Variants in PRKCI observed in about 807,000 individuals in gnomAD.
PRKCI encodes the protein protein kinase C iota.
In PRKCI, 43 loss-of-function variants were observed where a neutral mutation model predicts 84.0. That is an observed-to-expected ratio of 0.51 (90% CI 0.40 to 0.66). The LOEUF is 0.66. Ranked by LOEUF, PRKCI falls within the 30% of genes least tolerant of loss-of-function variation. The probability of loss-of-function intolerance (pLI) is 0.00; values close to 1 mark genes in which losing one functional copy is unlikely to be tolerated. For synonymous variants in PRKCI, 216 were observed against 234.4 expected, an observed-to-expected ratio of 0.92 and a Z score of 0.72; for missense variants, 459 against 745.6, an observed-to-expected ratio of 0.62 and a Z score of 4.48.
chr3:170,293,962 A>G (rs1344121287), intron 14 of PRKCI, among the ~76,000 whole-genome samples: 1 of 152,200 alleles, frequency 6.6e-6, no homozygotes, highest in African/African-American at 2.4e-5. Flanking sequence ...GATTACAGGC[A>G]TGAGCCACTG....
At chr3:170,226,851 T>C (rs1384273746) in intron 1 of PRKCI, among the ~76,000 whole-genome samples, 1 of 152,172 alleles carries the variant, frequency 6.6e-6, no homozygotes, top group African/African-American at 2.4e-5. Flanking sequence ...CTAGGGCAGC[T>C]GATCCATAGC....
At chr3:170,281,466 C>G (rs1436652647) in intron 10 of PRKCI, 1 of 497,844 alleles carries the variant, frequency 2.0e-6, no homozygotes, top group Non-Finnish European at 3.5e-6. Context: ...CTACTTTAGG[C>G]AGAACAGGAA....
intron 2 of PRKCI, among the ~76,000 whole-genome samples, chr3:170,246,077 C>T (rs532817145): frequency 6.6e-5 from 10 of 151,534 alleles, no homozygotes; most frequent in Non-Finnish European, 8.8e-5. Context: ...CTCAGCCTCC[C>T]GAGTAGCTGG....
chr3:170,298,576 C>T (rs980559293), intron 16 of PRKCI, among the ~76,000 whole-genome samples: 13 of 151,124 alleles, frequency 8.6e-5, no homozygotes, highest in Non-Finnish European at 1.6e-4. Context: ...TGGCTAATTT[C>T]GGTATTTTTA....
intron 12 of PRKCI, among the ~76,000 whole-genome samples, chr3:170,288,716 C>T (rs1734463147): frequency 6.6e-6 from 1 of 152,128 alleles, no homozygotes; most frequent in Non-Finnish European, 1.5e-5. Context: ...CACACCACTG[C>T]ACTGCACTCC....
chr3:170,263,540 G>GCA, intron 4 of PRKCI, 111 bp downstream of exon 4: 1 of 881,724 alleles, frequency 1.1e-6, no homozygotes, highest in Non-Finnish European at 1.8e-6. Flanking sequence ...AGTGGCTAAT[G>GCA]CCTGTAATCC....
At chr3:170,302,995 G>T in intron 17 of PRKCI, 45 bp from the exon 18 acceptor site, 1 of 1,377,426 alleles carries the variant, frequency 7.3e-7, no homozygotes, top group Non-Finnish European at 1.0e-6. Context: ...AAAGGTTGAA[G>T]AAATCTTGAT....
intron 2 of PRKCI, among the ~76,000 whole-genome samples, chr3:170,258,017 A>G (rs1194578577): frequency 6.6e-6 from 1 of 152,026 alleles, no homozygotes; most frequent in Non-Finnish European, 1.5e-5. Context: ...GAGAAGAGCT[A>G]GGAAATAGAA....
intron 2 of PRKCI, among the ~76,000 whole-genome samples, chr3:170,239,449 CATTT>C (rs1733063337): frequency 6.6e-6 from 1 of 152,102 alleles, no homozygotes; most frequent in African/African-American, 2.4e-5. Context: ...CATTTCATAC[CATTT>C]ATTTGCTGAT....
chr3:170,296,020 A>G, intron 15 of PRKCI, 30 bp downstream of exon 15: 2 of 1,336,594 alleles, frequency 1.5e-6, no homozygotes, highest in Non-Finnish European at 2.1e-6. Flanking sequence ...ATATTTTGTG[A>G]TTTGTCTCTT....
intron 8 of PRKCI, among the ~76,000 whole-genome samples, chr3:170,277,119 C>T (rs557555190): frequency 6.6e-6 from 1 of 150,566 alleles, no homozygotes; most frequent in Non-Finnish European, 1.5e-5. Context: ...CGTGGTGGCA[C>T]ACACCTATAA....
At position 170,260,006 on chromosome 3, in the gene PRKCI, A is replaced by G. The variant is rs375389041; in HGVS notation, c.261A>G (p.Glu87=). ...PCTVSSQLEL[E]EAFRLYELNK... ...CAGTATCATCTCAGTTGGAGTTAGA[A>G]GAAGCCTTTAGACTTTATGAGCTAA... Residue 87 remains glutamate, a synonymous_variant, in exon 3 of 18, where the codon GAA becomes GAG. Transcript: ENST00000295797. 290 of 1,612,998 alleles carry G rather than the reference A, an allele frequency of 1.8e-4. No individual in the cohort carries two copies. The highest frequency in any genetic ancestry group is 2.3e-4 in the Non-Finnish European group (268 of 1,179,512).
chr3:170,291,074 TG>T (rs1734538409), intron 12 of PRKCI, among the ~76,000 whole-genome samples: 1 of 151,982 alleles, frequency 6.6e-6, no homozygotes, highest in African/African-American at 2.4e-5. Flanking sequence ...AGGCGGAGGT[TG>T]CAGTGAGCTG....
chr3:170,234,576 A>G (rs951665333), intron 1 of PRKCI, among the ~76,000 whole-genome samples: 2 of 152,156 alleles, frequency 1.3e-5, no homozygotes, highest in East Asian at 1.9e-4. Flanking sequence ...TTTGACAGAG[A>G]AATTTCATAG....
chr3:170,288,423 C>T (rs1441797767), intron 12 of PRKCI, among the ~76,000 whole-genome samples: 4 of 152,224 alleles, frequency 2.6e-5, no homozygotes, highest in African/African-American at 9.6e-5. Context: ...CAAATGTCCT[C>T]CTACCTCCCT....
chr3:170,303,145 T>C lies in PRKCI; in HGVS notation c.*18T>C. Reference sequence around the variant, plus strand: ...GTGTCTGATCCTCATTTTTCAACCATGTATTCTACTCATGTTGCCATTTAA... The same window carrying C: ...GTGTCTGATCCTCATTTTTCAACCACGTATTCTACTCATGTTGCCATTTAA... On this transcript the variant is annotated 3_prime_UTR_variant, in exon 18 of 18. Transcript: ENST00000295797. 1 of 1,557,980 alleles carries C rather than the reference T, an allele frequency of 6.4e-7. No homozygotes were observed. The highest frequency in any genetic ancestry group is 8.8e-7 in the Non-Finnish European group (1 of 1,139,814).
At chr3:170,276,699 A>G (rs1223760794) in intron 8 of PRKCI, among the ~76,000 whole-genome samples, 4 of 152,210 alleles carry the variant, frequency 2.6e-5, no homozygotes, top group African/African-American at 9.7e-5. Context: ...AAGAAAACCT[A>G]GGAAATATCC....
intron 4 of PRKCI, among the ~76,000 whole-genome samples, chr3:170,264,793 T>C (rs1733817464): frequency 1.3e-5 from 2 of 152,062 alleles, no homozygotes; most frequent in African/African-American, 4.8e-5. Flanking sequence ...AATGAATTAG[T>C]GTGGAGGTGA....
intron 12 of PRKCI, among the ~76,000 whole-genome samples, chr3:170,286,636 A>T (rs752112724): frequency 4.6e-5 from 7 of 151,966 alleles, no homozygotes; most frequent in Non-Finnish European, 8.8e-5. Context: ...TGGGGGAATT[A>T]TCAGGAATCC....
Sources: allele counts gnomAD v4.1 joint callset (sites outside exome capture counted in the v4.1 genomes callset), GRCh38; gene constraint gnomAD v4.1.1; transcripts MANE v1.5; gene names NCBI Gene and HGNC (gene_info 2026-07-23, HGNC 2026-07-21).